The following SGCZ variants were observed in gnomAD, a reference collection of about 807,000 sequenced individuals.
SGCZ encodes the protein sarcoglycan zeta.
SGCZ carries 40 observed loss-of-function variants against 41.3 expected under a neutral mutation model. That is an observed-to-expected ratio of 0.97 (90% confidence interval 0.75 to 1.26). SGCZ has a LOEUF of 1.26. SGCZ is among the 50% of genes most tolerant of loss of function. SGCZ has a pLI of 0.00. For synonymous variants in SGCZ, 206 were observed against 137.5 expected (o/e 1.50, Z -3.49); for missense variants, 552 against 369.8 (o/e 1.49, Z -4.04).
intron 1 of SGCZ, among the ~76,000 whole-genome samples, chr8:15,155,500 A>G (rs1799303273): frequency 6.6e-6 from 1 of 152,188 alleles, no homozygotes; most frequent in Non-Finnish European, 1.5e-5. Flanking sequence ...AAAATATTAA[A>G]GTAGCACAAC....
intron 4 of SGCZ, among the ~76,000 whole-genome samples, chr8:14,230,583 A>G (rs1806527220): frequency 6.6e-6 from 1 of 152,102 alleles, no homozygotes; most frequent in Non-Finnish European, 1.5e-5. Context: ...TCCTAAAAAT[A>G]GTTTCTGAAG....
At chr8:15,067,753 C>G (rs1049821883) in intron 1 of SGCZ, among the ~76,000 whole-genome samples, 2 of 152,082 alleles carry the variant, frequency 1.3e-5, no homozygotes, top group South Asian at 4.2e-4. Flanking sequence ...GCTGCCTATT[C>G]TATGCCATGC....
At chr8:14,416,242 C>A (rs1298778204) in intron 2 of SGCZ, among the ~76,000 whole-genome samples, 1 of 151,846 alleles carries the variant, frequency 6.6e-6, no homozygotes. Context: ...GCAGACATTT[C>A]CTATAAGAAG....
chr8:14,881,012 G>C (rs908695465), intron 1 of SGCZ, among the ~76,000 whole-genome samples: 11 of 151,802 alleles, frequency 7.2e-5, no homozygotes, highest in Admixed American at 2.0e-4. Context: ...ACAAAACACA[G>C]AGAAAGAGTC....
chr8:15,149,479 T>C (rs1799120245), intron 1 of SGCZ, among the ~76,000 whole-genome samples: 1 of 152,306 alleles, frequency 6.6e-6, no homozygotes, highest in East Asian at 1.9e-4. Context: ...AAATCTTCTG[T>C]AGCCCTGCTT....
chr8:14,746,821 T>G (rs907301683), intron 1 of SGCZ, among the ~76,000 whole-genome samples: 4 of 152,202 alleles, frequency 2.6e-5, no homozygotes, highest in Non-Finnish European at 5.9e-5. Context: ...TAGTCTCTTT[T>G]GAAATGAATT....
At chr8:14,879,595 GACACACACACACAC>G (rs33933535) in intron 1 of SGCZ, among the ~76,000 whole-genome samples, 46 of 147,116 alleles carry the variant, frequency 3.1e-4, no homozygotes, top group Non-Finnish European at 4.5e-4. Context: ...CAGACACACA[GACACACACACACAC>G]ACACACACAC....
intron 2 of SGCZ, among the ~76,000 whole-genome samples, chr8:14,546,356 C>G (rs1803626953): frequency 6.6e-6 from 1 of 152,148 alleles, no homozygotes; most frequent in South Asian, 2.1e-4. Context: ...GCTTAAATCA[C>G]CTCCAGAGTG....
At chr8:14,835,843 A>G (rs758901268) in intron 1 of SGCZ, among the ~76,000 whole-genome samples, 2 of 152,238 alleles carry the variant, frequency 1.3e-5, no homozygotes, top group Non-Finnish European at 2.9e-5. Flanking sequence ...AGTAGAAACA[A>G]TCATTACAAA....
Position 14,157,465 on chromosome 8 carries a change from T to C in SGCZ, c.547+7115A>G, listed in dbSNP as rs1427232031. On this transcript the variant is annotated intron_variant, in intron 5 of 7. Coordinates refer to ENST00000382080, the MANE Select transcript of SGCZ (RefSeq NM_139167.4). The stretch of plus-strand genomic sequence containing the variant: ...TGACATGTCCCCATCATTGAGCATT[T>C]TTCTTACTCTCTAACACAGGAGACT... Among the ~76,000 whole-genome samples, 4 of 151,164 alleles carry C rather than the reference T, an allele frequency of 2.6e-5. No homozygotes were observed. The East Asian group carries it at 7.8e-4, about 29-fold the overall frequency.
chr8:14,304,891 C>T (rs1801303240), intron 3 of SGCZ, among the ~76,000 whole-genome samples: 2 of 151,704 alleles, frequency 1.3e-5, no homozygotes, highest in Admixed American at 1.3e-4. Flanking sequence ...TAAGACATTG[C>T]CTAAAGTAGA....
intron 1 of SGCZ, among the ~76,000 whole-genome samples, chr8:14,977,820 T>G (rs1042851609): frequency 5.9e-5 from 9 of 152,140 alleles, no homozygotes; most frequent in East Asian, 1.9e-4. Flanking sequence ...AGATATATTT[T>G]TCTAAAAATA....
At chr8:14,390,764 A>T (rs922947420) in intron 2 of SGCZ, among the ~76,000 whole-genome samples, 1 of 152,074 alleles carries the variant, frequency 6.6e-6, no homozygotes, top group Non-Finnish European at 1.5e-5. Flanking sequence ...TCACAATTTC[A>T]TTGGCAGTAT....
chr8:14,996,601 G>C (rs1469859262), intron 1 of SGCZ, among the ~76,000 whole-genome samples: 1 of 152,146 alleles, frequency 6.6e-6, no homozygotes, highest in Non-Finnish European at 1.5e-5. Flanking sequence ...GAGGAAGTCA[G>C]ATGGTGGAAT....
chr8:14,552,992 A>G (rs982405697), intron 2 of SGCZ, among the ~76,000 whole-genome samples: 16 of 152,044 alleles, frequency 1.1e-4, no homozygotes, highest in African/African-American at 2.9e-4. Flanking sequence ...TTTGGAGAAT[A>G]TGCTTTACCT....
At chr8:14,761,980 C>G (rs1283204340) in intron 1 of SGCZ, among the ~76,000 whole-genome samples, 1 of 152,126 alleles carries the variant, frequency 6.6e-6, no homozygotes, top group Admixed American at 6.5e-5. Context: ...CTCATGCTAA[C>G]ACAGGGTTCA....
At chr8:14,820,141 C>T (rs1802031397) in intron 1 of SGCZ, among the ~76,000 whole-genome samples, 1 of 151,808 alleles carries the variant, frequency 6.6e-6, no homozygotes, top group South Asian at 2.1e-4. Flanking sequence ...AAGAGACTCA[C>T]CTAATAATTA....
In SGCZ at chr8:15,102,269, A is replaced by G. The variant is rs118171606; in HGVS notation, c.39+135316T>C. Among the ~76,000 whole-genome samples, 56 of 152,312 alleles carry G rather than the reference A, an allele frequency of 3.7e-4. No individual in the cohort carries two copies. In the East Asian group the frequency reaches 0.01, roughly 28 times the overall value. On this transcript the variant is annotated intron_variant, in intron 1 of 7. Coordinates refer to ENST00000382080, the MANE Select transcript of SGCZ (RefSeq NM_139167.4). ...ATGGAAGGTCATGGAGGAACCTTCA[A>G]TGCAGATTTGCTAAGTGTTTCCAAC...
At chr8:14,238,145 A>G (rs746783721) in intron 3 of SGCZ, among the ~76,000 whole-genome samples, 8 of 152,274 alleles carry the variant, frequency 5.3e-5, no homozygotes, top group East Asian at 1.9e-4. Flanking sequence ...CAAACTCCCA[A>G]TGTCCATTTA....
Sources: gnomAD v4.1 joint callset for allele counts (sites outside exome capture counted in the v4.1 genomes callset) on GRCh38, gnomAD v4.1.1 for gene constraint, MANE v1.5 for transcripts, NCBI Gene and HGNC (gene_info 2026-07-23, HGNC 2026-07-21) for gene names.